The following PARD3B variants were observed in gnomAD, a reference collection of about 807,000 sequenced individuals.
PARD3B encodes par-3 family cell polarity regulator beta, also known as partitioning defective 3 homolog B.
Under a neutral mutation model 130.2 loss-of-function variants are expected in PARD3B, and 103 were observed. The observed-to-expected ratio is 0.79, with a 90% CI of 0.67 to 0.93. The LOEUF is 0.93. PARD3B is among the 40% of genes least tolerant of loss of function. The pLI, the probability that PARD3B is intolerant of heterozygous loss-of-function variation, is 0.00. For synonymous variants in PARD3B, 583 were observed against 553.2 expected (o/e 1.05, Z -0.76); for missense variants, 1,609 against 1,499.2 (o/e 1.07, Z -1.21).
chr2:204,828,768 A>G (rs2043689568), intron 2 of PARD3B, among the ~76,000 whole-genome samples: 1 of 152,178 alleles, frequency 6.6e-6, no homozygotes, highest in Non-Finnish European at 1.5e-5. Flanking sequence ...AGTATGACCA[A>G]ATTAATACTA....
At chr2:205,393,156 G>A (rs574121871) in intron 18 of PARD3B, among the ~76,000 whole-genome samples, 5 of 152,274 alleles carry the variant, frequency 3.3e-5, no homozygotes, top group South Asian at 2.1e-4. Context: ...CAGCATATGC[G>A]TATGCTAATT....
intron 20 of PARD3B, among the ~76,000 whole-genome samples, chr2:205,491,037 T>G (rs2049685317): frequency 1.3e-5 from 2 of 152,208 alleles, no homozygotes. Flanking sequence ...TTGCAAAAAT[T>G]TCCTCCCATT....
chr2:205,083,473 A>G (rs919697542), intron 4 of PARD3B, among the ~76,000 whole-genome samples: 3 of 152,034 alleles, frequency 2.0e-5, no homozygotes, highest in Admixed American at 1.3e-4. Flanking sequence ...AAAAGGGCCA[A>G]TTATGGTTTT....
Position 204,546,134 on chromosome 2 carries a change from G to A in PARD3B, c.120+15G>A. On this transcript the variant is annotated intron_variant, in intron 1 of 22. Coordinates refer to ENST00000406610, the MANE Select transcript of PARD3B (RefSeq NM_001302769.2). Reference sequence around the variant, plus strand: ...CCCGGGAGAAGGTGAGCGCGGCGCGGAGGAGTGGGGCGCGGCTGCAGCCAA... The same window carrying A: ...CCCGGGAGAAGGTGAGCGCGGCGCGAAGGAGTGGGGCGCGGCTGCAGCCAA... The A allele has an allele frequency of 6.4e-7, 1 of 1,551,568 alleles. No individual in the cohort carries two copies. The highest frequency in any genetic ancestry group is 8.7e-7 in the Non-Finnish European group (1 of 1,147,868).
At chr2:205,019,097 A>G (rs1376034621) in intron 3 of PARD3B, among the ~76,000 whole-genome samples, 2 of 152,176 alleles carry the variant, frequency 1.3e-5, no homozygotes, top group Admixed American at 6.6e-5. Context: ...GAACGATGCC[A>G]GAAAGAAACC....
At chr2:204,840,400 A>G (rs1043674369) in intron 2 of PARD3B, among the ~76,000 whole-genome samples, 7 of 152,176 alleles carry the variant, frequency 4.6e-5, no homozygotes, top group African/African-American at 1.7e-4. Flanking sequence ...TACACTTCCA[A>G]TATCATGCTT....
rs571919251 is a variant in PARD3B, at chr2:205,162,351, C to T, written c.1620+3444C>T. Among the ~76,000 whole-genome samples, 15 of 152,338 alleles carry T rather than the reference C, an allele frequency of 9.8e-5. No homozygotes were observed. In the South Asian group the frequency reaches 1.0e-3, roughly 11 times the overall value. ...TTTGATTACAGGCTGTTTTGTCATA[C>T]GGAGCTCTTCATAGGCCCCTCTGAA... On this transcript the variant is annotated intron_variant, in intron 11 of 22. Transcript: ENST00000406610.
intron 16 of PARD3B, among the ~76,000 whole-genome samples, chr2:205,275,730 G>A (rs1409987234): frequency 1.3e-5 from 2 of 151,226 alleles, no homozygotes; most frequent in Admixed American, 6.6e-5. Flanking sequence ...CCAGCTACTC[G>A]GGAGGCTGAG....
At chr2:204,620,761 G>A (rs1306050528) in intron 1 of PARD3B, among the ~76,000 whole-genome samples, 1 of 152,178 alleles carries the variant, frequency 6.6e-6, no homozygotes, top group East Asian at 1.9e-4. Flanking sequence ...TGCTTGATGG[G>A]AAGTATGTAC....
intron 1 of PARD3B, among the ~76,000 whole-genome samples, chr2:204,549,359 C>T (rs1360511396): frequency 2.0e-5 from 3 of 152,094 alleles, no homozygotes; most frequent in African/African-American, 2.4e-5. Flanking sequence ...AAGTGATTGT[C>T]TTCTTATGTG....
At chr2:205,398,593 G>C (rs2046121691) in intron 18 of PARD3B, among the ~76,000 whole-genome samples, 2 of 152,094 alleles carry the variant, frequency 1.3e-5, no homozygotes, top group Non-Finnish European at 2.9e-5. Context: ...AAGAAGACTT[G>C]CTAATTGAAA....
In PARD3B at chr2:205,478,824, A is replaced by T. The variant is rs925815433; in HGVS notation, c.3045-21072A>T. On this transcript the variant is annotated intron_variant, in intron 20 of 22. Transcript: ENST00000406610. ...CGGACAGTTTCATCTAGAAATGTGC[A>T]TGCTATATTTAGTATGAAAAAGCAT... Among the ~76,000 whole-genome samples, 3 of 152,348 alleles carry T rather than the reference A, an allele frequency of 2.0e-5. No homozygotes were observed. The South Asian group carries it at 6.2e-4, about 32-fold the overall frequency.
At chr2:205,168,132 AAT>A (rs1247310395) in intron 11 of PARD3B, among the ~76,000 whole-genome samples, 1 of 152,102 alleles carries the variant, frequency 6.6e-6, no homozygotes, top group Non-Finnish European at 1.5e-5. Context: ...GATTCTTTTT[AAT>A]ATGTTTTCCT....
chr2:205,365,092 T>C (rs1296735642), intron 18 of PARD3B, among the ~76,000 whole-genome samples: 3 of 150,870 alleles, frequency 2.0e-5, no homozygotes, highest in African/African-American at 7.3e-5. Context: ...CCCAGCTACT[T>C]GGGAGGCTAA....
chr2:204,838,235 T>A (rs957387988), intron 2 of PARD3B, among the ~76,000 whole-genome samples: 2 of 152,080 alleles, frequency 1.3e-5, no homozygotes, highest in African/African-American at 4.8e-5. Context: ...CAGGCTGCAA[T>A]GCAGTGGCAC....
At chr2:205,082,477 A>C (rs1273836399) in intron 4 of PARD3B, among the ~76,000 whole-genome samples, 1 of 152,166 alleles carries the variant, frequency 6.6e-6, no homozygotes, top group Non-Finnish European at 1.5e-5. Context: ...GTCTCTCTCT[A>C]AATATCTTCT....
At chr2:205,449,300 G>A (rs1355234704) in intron 20 of PARD3B, among the ~76,000 whole-genome samples, 1 of 151,012 alleles carries the variant, frequency 6.6e-6, no homozygotes, top group Non-Finnish European at 1.5e-5. Flanking sequence ...CGCGATCTCA[G>A]CTCACTGCTA....
intron 2 of PARD3B, among the ~76,000 whole-genome samples, chr2:204,733,348 G>A (rs2039600257): frequency 1.3e-5 from 2 of 151,996 alleles, no homozygotes; most frequent in Admixed American, 6.6e-5. Flanking sequence ...ATTGTTGAGA[G>A]AAGTGAAAAA....
At chr2:205,069,979 G>A (rs556059079) in intron 4 of PARD3B, among the ~76,000 whole-genome samples, 3 of 152,104 alleles carry the variant, frequency 2.0e-5, no homozygotes, top group Non-Finnish European at 4.4e-5. Flanking sequence ...CCTATGTCCT[G>A]TGATACCCCA....
Sources: gnomAD v4.1 joint callset for allele counts (sites outside exome capture counted in the v4.1 genomes callset) on GRCh38, gnomAD v4.1.1 for gene constraint, MANE v1.5 for transcripts, NCBI Gene and HGNC (gene_info 2026-07-23, HGNC 2026-07-21) for gene names.